BYSL: variants seen among roughly 807,000 people sequenced by gnomAD.
BYSL encodes the protein bystin.
In BYSL, 21 loss-of-function variants were observed where a neutral mutation model predicts 45.4. The observed-to-expected ratio is 0.46, with a 90% CI of 0.33 to 0.67. The LOEUF is 0.67. Ranked by LOEUF, BYSL falls within the 30% of genes least tolerant of loss-of-function variation. The pLI is 0.02. For missense variants in BYSL, 522 were observed against 578.5 expected (o/e 0.90, Z 1.00); for synonymous variants, 215 against 231.3 (o/e 0.93, Z 0.64).
chr6:41,918,189 T>C (rs1443369481), upstream of BYSL, among the ~76,000 whole-genome samples: 1 of 152,162 alleles, frequency 6.6e-6, no homozygotes, highest in Non-Finnish European at 1.5e-5. Context: ...TATGAAGGTG[T>C]GTTATTTATC....
At chr6:41,924,988 G>T (rs1775542636) in intron 1 of BYSL, among the ~76,000 whole-genome samples, 1 of 152,164 alleles carries the variant, frequency 6.6e-6, no homozygotes, top group Admixed American at 6.5e-5. Context: ...TTAGCATTGG[G>T]TGGACGATGG....
chr6:41,930,103 T>C, intron 2 of BYSL, 29 bp from the exon 3 acceptor site: 1 of 1,613,358 alleles, frequency 6.2e-7, no homozygotes. Flanking sequence ...GCCCCCTCTC[T>C]CCCCTCCTCT....
intron 1 of BYSL, among the ~76,000 whole-genome samples, chr6:41,925,599 G>A (rs573466821): frequency 4.3e-4 from 65 of 152,212 alleles, no homozygotes; most frequent in African/African-American, 6.5e-4. Flanking sequence ...TCCTGACCTC[G>A]TGATCCGCCC....
chr6:41,918,433 G>A (rs1189001363), upstream of BYSL, among the ~76,000 whole-genome samples: 3 of 151,212 alleles, frequency 2.0e-5, no homozygotes, highest in Non-Finnish European at 4.4e-5. Flanking sequence ...GAAACCAGGA[G>A]GCGGAGGTTG....
At chr6:41,916,406 C>A in the BYSL span, among the ~76,000 whole-genome samples, 1 of 151,950 alleles carries the variant, frequency 6.6e-6, no homozygotes, top group African/African-American at 2.4e-5. Context: ...ACAGAGAAAC[C>A]CCATATCTAC....
the BYSL span, among the ~76,000 whole-genome samples, chr6:41,911,153 A>C: frequency 4.0e-5 from 6 of 148,860 alleles, no homozygotes; most frequent in Non-Finnish European, 8.9e-5. Context: ...TAGGCTAAAA[A>C]CTTTTTTTTT....
At chr6:41,909,612 G>C in the BYSL span, 2 of 1,548,782 alleles carry the variant, frequency 1.3e-6, no homozygotes, top group Non-Finnish European at 1.8e-6. Context: ...AATGAGGCCA[G>C]ACAGCAATCT....
chr6:41,921,896 A>G (rs527808577), intron 1 of BYSL, 66 bp downstream of exon 1: 15 of 1,520,540 alleles, frequency 9.9e-6, no homozygotes, highest in Non-Finnish European at 1.2e-5. Context: ...GGCAGCTAAA[A>G]AGTGTCTGGC....
the BYSL span, among the ~76,000 whole-genome samples, chr6:41,913,637 T>C: frequency 1.3e-5 from 2 of 152,182 alleles, no homozygotes; most frequent in African/African-American, 4.8e-5. Flanking sequence ...CAGTGGCTCA[T>C]GCCTGTAATC....
At chr6:41,923,410 C>T (rs1300803075) in intron 1 of BYSL, among the ~76,000 whole-genome samples, 1 of 151,984 alleles carries the variant, frequency 6.6e-6, no homozygotes, top group Non-Finnish European at 1.5e-5. Context: ...AATTCTTCTG[C>T]CTCAGCCTTC....
At chr6:41,923,851 A>G (rs1415881296) in intron 1 of BYSL, among the ~76,000 whole-genome samples, 1 of 152,072 alleles carries the variant, frequency 6.6e-6, no homozygotes, top group Admixed American at 6.5e-5. Flanking sequence ...CTCTTTGCCC[A>G]TTCCACTCCA....
chr6:41,932,247 T>C lies in BYSL; in HGVS notation c.969-114T>C, dbSNP rs1775650987. ...GTGAGAAGGTCCCTGGGGAATACCA[T>C]AGTGTAAGGGCCAGCAGAGGGGAAG... On this transcript the variant is annotated intron_variant, in intron 6 of 6. Transcript: ENST00000230340. This position sits in a 1 kb window ranked among gnomAD's most constrained non-coding sequence, Gnocchi z 4.7. 2.0e-6 allele frequency: 2 copies of C among 995,158 alleles called. No homozygotes were observed. The highest frequency in any genetic ancestry group is 3.0e-5 in the South Asian group (2 of 67,004). 61.6% of individuals were successfully genotyped at this position (995,158 alleles called of 1,614,324 possible).
At chr6:41,917,021 A>C, upstream of BYSL, 1 of 1,485,452 alleles carries the variant, frequency 6.7e-7, no homozygotes, top group Non-Finnish European at 9.3e-7. Flanking sequence ...ACAGCATCAC[A>C]GCTCATCAGG....
At chr6:41,920,906 C>G (rs1165656528), upstream of BYSL, 1 of 1,484,832 alleles carries the variant, frequency 6.7e-7, no homozygotes, top group African/African-American at 1.4e-5. Flanking sequence ...CCGAGGACAT[C>G]TCCCTCAGCT....
chr6:41,932,456 G>A lies in BYSL; in HGVS notation c.1064G>A (p.Arg355Gln), dbSNP rs760167497. 7.4e-6 allele frequency: 12 copies of A among 1,613,978 alleles called. No individual in the cohort carries two copies. Among genetic ancestry groups the A allele is most frequent in the African/African-American group, 2.7e-5 (2 of 74,904 alleles). The change falls in exon 7 of 7, where the codon CGG becomes CAG. Residue 355 changes from arginine to glutamine, a missense_variant. Coordinates refer to ENST00000230340, the MANE Select transcript of BYSL (RefSeq NM_004053.4). The surrounding 1 kb of genome is among the most constrained non-coding windows in gnomAD (Gnocchi z 4.7). ...GATAAGAAGTATGCACTGCCTTACC[G>A]GGTGCTGGATGCCCTAGTCTTCCAC... ...LLDKKYALPY[R>Q]VLDALVFHFL...
At chr6:41,925,564 C>T (rs549984469) in intron 1 of BYSL, among the ~76,000 whole-genome samples, 5 of 152,044 alleles carry the variant, frequency 3.3e-5, no homozygotes, top group African/African-American at 9.7e-5. Flanking sequence ...GGGGTTTCAC[C>T]GTGTTAGCCA....
At chr6:41,914,007 G>C in the BYSL span, among the ~76,000 whole-genome samples, 1 of 152,162 alleles carries the variant, frequency 6.6e-6, no homozygotes, top group Non-Finnish European at 1.5e-5. Context: ...TTATAGATGA[G>C]AGAACTGTAC....
At chr6:41,909,140 T>G in the BYSL span, 1 of 1,310,210 alleles carries the variant, frequency 7.6e-7, no homozygotes, top group Non-Finnish European at 1.0e-6. Context: ...TGCCATTGCA[T>G]TCCAGCCTGG....
upstream of BYSL, among the ~76,000 whole-genome samples, chr6:41,917,184 G>A (rs1319131538): frequency 1.3e-5 from 2 of 152,070 alleles, no homozygotes; most frequent in Non-Finnish European, 1.5e-5. Context: ...GGTGGATCAC[G>A]AAGTCAGGAG....
Sources: allele counts gnomAD v4.1 joint callset (sites outside exome capture counted in the v4.1 genomes callset), GRCh38; gene constraint gnomAD v4.1.1; non-coding constraint Gnocchi (gnomAD v3.1); transcripts MANE v1.5; gene names NCBI Gene and HGNC (gene_info 2026-07-23, HGNC 2026-07-21).